The following KIF5B variants were observed in gnomAD, a reference collection of about 807,000 sequenced individuals.
KIF5B encodes the protein kinesin-1 heavy chain.
A neutral mutation model predicts 132.8 loss-of-function variants in KIF5B; 49 were observed. The observed-to-expected ratio is 0.37, with a 90% CI of 0.29 to 0.47. KIF5B has a LOEUF of 0.47. Among genes scored for constraint, KIF5B ranks in the 20% least tolerant of loss-of-function variants. The pLI, the probability that KIF5B is intolerant of heterozygous loss-of-function variation, is 1.00. For synonymous variants in KIF5B, 355 were observed against 369.4 expected (o/e 0.96, Z 0.45); for missense variants, 780 against 1,144.0 (o/e 0.68, Z 4.59).
intron 2 of KIF5B, among the ~76,000 whole-genome samples, chr10:32,045,689 G>T (rs908418205): frequency 5.9e-5 from 9 of 152,188 alleles, no homozygotes; most frequent in African/African-American, 2.2e-4. Context: ...ATTTTATTAA[G>T]TAAAGACTAT....
rs780264727 is a variant in KIF5B, at chr10:32,055,993, G to T, written c.-20C>A. 57 of 1,598,036 alleles carry T rather than the reference G, an allele frequency of 3.6e-5. No individual in the cohort carries two copies. The highest frequency in any genetic ancestry group is 4.1e-5 in the Non-Finnish European group (48 of 1,179,146). On this transcript the variant is annotated 5_prime_UTR_variant, in exon 1 of 26. Transcript: ENST00000302418. ...CGCCATCTTTCTCGCAGCCGGGGCCGGCGGCCGGGAGCCACTCCCCGCCGC... is the reference window on the plus strand; with the variant it reads ...CGCCATCTTTCTCGCAGCCGGGGCCTGCGGCCGGGAGCCACTCCCCGCCGC...
At chr10:32,021,333 G>T in intron 17 of KIF5B, 46 bp from the exon 18 acceptor site, 2 of 1,386,302 alleles carry the variant, frequency 1.4e-6, no homozygotes, top group Non-Finnish European at 2.0e-6. Flanking sequence ...AGCCTTTAAG[G>T]TTCCTCATAT....
At chr10:32,036,056 T>C in intron 8 of KIF5B, 62 bp from the exon 9 acceptor site, 1 of 1,137,754 alleles carries the variant, frequency 8.8e-7, no homozygotes, top group East Asian at 2.6e-5. Context: ...CTTTACATTT[T>C]CTAAAATGTT....
intron 19 of KIF5B, among the ~76,000 whole-genome samples, chr10:32,020,201 T>C (rs1409930025): frequency 3.3e-5 from 5 of 152,192 alleles, no homozygotes; most frequent in Non-Finnish European, 7.3e-5. Context: ...TCCTTATGCC[T>C]ACTTCCATCA....
In KIF5B at chr10:32,015,600, G is replaced by A. The variant is rs138770073; in HGVS notation, c.2821C>T (p.Arg941Cys). 74 of 1,613,600 alleles carry A rather than the reference G, an allele frequency of 4.6e-5. No individual in the cohort carries two copies. The highest frequency in any genetic ancestry group is 5.8e-5 in the Non-Finnish European group (68 of 1,179,736). The change falls in exon 25 of 26, where the codon CGT (arginine) becomes TGT (cysteine). Residue 941 changes from arginine (R) to cysteine (C), a missense_variant. Transcript: ENST00000302418. The stretch of plus-strand genomic sequence containing the variant: ...TTCTGAACAAATGCACCTCCTCCAC[G>A]AATTGCACTTGGGTGAGTTGGAGAA... ...AASPTHPSAI[R>C]GGGAFVQNSQ...
At position 32,049,195 on chromosome 10, in the gene KIF5B, A is replaced by G. The variant is rs141685222; in HGVS notation, c.127-644T>C. On this transcript the variant is annotated intron_variant, in intron 1 of 25. Coordinates refer to ENST00000302418, the MANE Select transcript of KIF5B (RefSeq NM_004521.3). ...ATGGAATGTGAGATGACATGCTAGAATGATAACCAAGAGATTCCCTCTCTG... is the reference window on the plus strand; with the variant it reads ...ATGGAATGTGAGATGACATGCTAGAGTGATAACCAAGAGATTCCCTCTCTG... 9.8e-5 allele frequency among the ~76,000 whole-genome samples: 15 copies of G among 152,342 alleles called. No homozygotes were observed. In the East Asian group the frequency reaches 2.7e-3, roughly 27 times the overall value.
At chr10:32,023,837 T>C (rs1284635063) in intron 15 of KIF5B, among the ~76,000 whole-genome samples, 1 of 152,022 alleles carries the variant, frequency 6.6e-6, no homozygotes, top group African/African-American at 2.4e-5. Context: ...ACCTTACCCC[T>C]TTCAGAAAAA....
chr10:32,041,899 T>C (rs1841544809), intron 2 of KIF5B, among the ~76,000 whole-genome samples: 1 of 152,190 alleles, frequency 6.6e-6, no homozygotes, highest in African/African-American at 2.4e-5. Context: ...GTGCTGGGAT[T>C]ACAGGCCTAA....
At chr10:32,027,805 G>A (rs189185479) in intron 15 of KIF5B, among the ~76,000 whole-genome samples, 220 of 152,042 alleles carry the variant, frequency 1.4e-3, no homozygotes, top group Admixed American at 2.2e-3. Context: ...GTCTTGCCAC[G>A]TTGCCCAGGC....
chr10:32,037,034 C>A (rs1438864618), intron 8 of KIF5B, among the ~76,000 whole-genome samples: 1 of 152,134 alleles, frequency 6.6e-6, no homozygotes, highest in South Asian at 2.1e-4. Context: ...GTCATAGAAA[C>A]CACTTATGGG....
chr10:32,050,517 G>C (rs1841680026), intron 1 of KIF5B, among the ~76,000 whole-genome samples: 1 of 152,224 alleles, frequency 6.6e-6, no homozygotes, highest in African/African-American at 2.4e-5. Flanking sequence ...ATGATGAAAA[G>C]CAACAGCTAA....
At chr10:32,052,863 A>G (rs1157885821) in intron 1 of KIF5B, among the ~76,000 whole-genome samples, 1 of 152,248 alleles carries the variant, frequency 6.6e-6, no homozygotes, top group Non-Finnish European at 1.5e-5. Context: ...ACACAGAAAC[A>G]CTATGAAAGA....
intron 24 of KIF5B, among the ~76,000 whole-genome samples, chr10:32,016,939 C>A (rs1239721161): frequency 6.6e-6 from 1 of 152,210 alleles, no homozygotes. Flanking sequence ...CATTCCATGA[C>A]CATTCTTGCT....
intron 11 of KIF5B, 103 bp from the exon 12 acceptor site, chr10:32,034,141 C>CA (rs1478266116): frequency 1.5e-6 from 1 of 654,686 alleles, no homozygotes; most frequent in Non-Finnish European, 2.5e-6. Context: ...GACAGAGTCT[C>CA]AATCTGTCAC....
rs1465404902 is a variant in KIF5B, at chr10:32,056,228, G to C, written c.-255C>G. On this transcript the variant is annotated 5_prime_UTR_variant, in exon 1 of 26. Transcript: ENST00000302418. ...CGGCGGCAGCGGCGGCGGCACCGGG[G>C]AGAGCGTCCGCGGCTCCTCAGCGTC... The C allele has an allele frequency of 4.3e-6, 2 of 464,464 alleles. No homozygotes were observed. The highest frequency in any genetic ancestry group is 4.2e-5 in the African/African-American group (2 of 47,236). The allele number at this position is 464,464 out of a possible 1,614,324, so 28.8% of individuals were successfully genotyped here.
At chr10:32,024,300 G>A (rs1172463629) in intron 15 of KIF5B, among the ~76,000 whole-genome samples, 6 of 144,216 alleles carry the variant, frequency 4.2e-5, no homozygotes, top group Admixed American at 6.8e-5. Context: ...GACTACAGGC[G>A]CCCGCCACTA....
chr10:32,042,615 G>C (rs1047531266), intron 2 of KIF5B, among the ~76,000 whole-genome samples: 4 of 152,142 alleles, frequency 2.6e-5, no homozygotes, highest in African/African-American at 7.2e-5. Context: ...TCAAATGCTT[G>C]CTGAATATTT....
rs568066686 is a variant in KIF5B at position 32,036,278 on chromosome 10, T to A, written c.712-284A>T. Among the ~76,000 whole-genome samples, 42 of 152,332 alleles carry A rather than the reference T, an allele frequency of 2.8e-4. 2 individuals carry two copies. In the South Asian group the frequency reaches 8.7e-3, roughly 32 times the overall value. ...TAATCTGTTAGTCCCCTTTGCTACA[T>A]TAGAAAACAGGAACCTTCTAAAATT... On this transcript the variant is annotated intron_variant, in intron 8 of 25. Coordinates refer to ENST00000302418, the MANE Select transcript of KIF5B (RefSeq NM_004521.3).
intron 15 of KIF5B, among the ~76,000 whole-genome samples, chr10:32,026,266 C>G (rs760249660): frequency 1.4e-4 from 22 of 151,788 alleles, no homozygotes; most frequent in Non-Finnish European, 2.9e-4. Flanking sequence ...AACTCCATCT[C>G]TACTAAAAAT....
Sources: allele counts gnomAD v4.1 joint callset (sites outside exome capture counted in the v4.1 genomes callset), GRCh38; gene constraint gnomAD v4.1.1; transcripts MANE v1.5; gene names NCBI Gene and HGNC (gene_info 2026-07-23, HGNC 2026-07-21).